The following TAFA1 variants were observed in gnomAD, a reference collection of about 807,000 sequenced individuals.
TAFA1 encodes the protein chemokine-like protein TAFA-1.
TAFA1 carries 4 observed loss-of-function variants against 18.5 expected under a neutral mutation model. The ratio of observed to expected loss-of-function variants is 0.22; its 90% CI spans 0.11 to 0.49. The LOEUF is 0.49. Ranked by LOEUF, TAFA1 falls within the 20% of genes least tolerant of loss-of-function variation. The pLI is 0.98. For synonymous variants in TAFA1, 56 were observed against 55.2 expected, an observed-to-expected ratio of 1.01 and a Z score of -0.06; for missense variants, 147 against 169.0, an observed-to-expected ratio of 0.87 and a Z score of 0.72.
At chr3:68,372,689 T>C (rs905209710) in intron 2 of TAFA1, among the ~76,000 whole-genome samples, 3 of 151,948 alleles carry the variant, frequency 2.0e-5, no homozygotes, top group Admixed American at 6.6e-5. Context: ...AAAAACACAA[T>C]TTGGGAAATA....
At chr3:68,129,375 T>C (rs902692795) in intron 2 of TAFA1, among the ~76,000 whole-genome samples, 2 of 152,228 alleles carry the variant, frequency 1.3e-5, no homozygotes, top group African/African-American at 2.4e-5. Flanking sequence ...AGAAGTACAC[T>C]TTTTGGTTAC....
chr3:68,494,132 C>T (rs745927315), intron 3 of TAFA1, among the ~76,000 whole-genome samples: 5 of 152,142 alleles, frequency 3.3e-5, no homozygotes, highest in Admixed American at 1.3e-4. Context: ...GACAGAGTCT[C>T]GCTCTGTCAC....
chr3:68,322,602 A>G (rs1339431472), intron 2 of TAFA1, among the ~76,000 whole-genome samples: 7 of 152,060 alleles, frequency 4.6e-5, no homozygotes, highest in Admixed American at 6.6e-5. Flanking sequence ...GAGGCCAAGG[A>G]GGGAGAATTG....
At chr3:68,476,439 T>C (rs751439533) in intron 3 of TAFA1, among the ~76,000 whole-genome samples, 3 of 152,130 alleles carry the variant, frequency 2.0e-5, no homozygotes, top group Middle Eastern at 3.2e-3. Flanking sequence ...AGAGATGACA[T>C]TGGGGATTTT....
intron 2 of TAFA1, among the ~76,000 whole-genome samples, chr3:68,396,046 A>C (rs1170360548): frequency 6.6e-6 from 1 of 151,988 alleles, no homozygotes; most frequent in Middle Eastern, 3.2e-3. Flanking sequence ...CATTCTTTAT[A>C]ATTTTTGCCA....
At chr3:68,464,108 C>T (rs985551097) in intron 3 of TAFA1, among the ~76,000 whole-genome samples, 1 of 152,060 alleles carries the variant, frequency 6.6e-6, no homozygotes, top group Non-Finnish European at 1.5e-5. Flanking sequence ...TTTAGCCAAG[C>T]AGGGAAGAAT....
chr3:68,131,193 G>A (rs1559531898), intron 2 of TAFA1, among the ~76,000 whole-genome samples: 1 of 152,118 alleles, frequency 6.6e-6, no homozygotes, highest in Non-Finnish European at 1.5e-5. Flanking sequence ...ACCATAGCTA[G>A]TAATGGCTAT....
intron 2 of TAFA1, among the ~76,000 whole-genome samples, chr3:68,356,398 G>A (rs114260864): frequency 0.01 from 1,588 of 151,838 alleles, 10 homozygotes; most frequent in Non-Finnish European, 0.016. Flanking sequence ...CAGCGTACAC[G>A]GATGCTTGGG....
chr3:68,183,840 A>T (rs1197779752), intron 2 of TAFA1, among the ~76,000 whole-genome samples: 1 of 152,146 alleles, frequency 6.6e-6, no homozygotes, highest in Non-Finnish European at 1.5e-5. Context: ...ACAAAACAGT[A>T]GTAACTGTAG....
At chr3:68,369,725 C>G (rs868758824) in intron 2 of TAFA1, among the ~76,000 whole-genome samples, 1 of 152,152 alleles carries the variant, frequency 6.6e-6, no homozygotes, top group South Asian at 2.1e-4. Context: ...TAAATTGATG[C>G]TGCCTCTTGT....
chr3:68,286,801 G>T (rs1406126857), intron 2 of TAFA1, among the ~76,000 whole-genome samples: 2 of 152,180 alleles, frequency 1.3e-5, no homozygotes, highest in African/African-American at 4.8e-5. Context: ...CTAACTAGAA[G>T]GGTAAGAGAG....
intron 2 of TAFA1, among the ~76,000 whole-genome samples, chr3:68,040,539 T>C (rs992286279): frequency 2.6e-5 from 4 of 151,736 alleles, no homozygotes; most frequent in Non-Finnish European, 5.9e-5. Flanking sequence ...TAATTTTTCC[T>C]GGTGCTCTGG....
At chr3:68,000,939 G>A (rs1331971846), upstream of TAFA1, among the ~76,000 whole-genome samples, 1 of 148,248 alleles carries the variant, frequency 6.7e-6, no homozygotes, top group East Asian at 1.9e-4. Context: ...TTGGAATTGA[G>A]TAGCTTTGGG....
At chr3:68,240,242 C>A (rs1233857180) in intron 2 of TAFA1, among the ~76,000 whole-genome samples, 1 of 152,124 alleles carries the variant, frequency 6.6e-6, no homozygotes, top group East Asian at 1.9e-4. Context: ...CTTAGGAGAC[C>A]AGTGAACAAG....
At chr3:68,312,783 G>A (rs973477876) in intron 2 of TAFA1, among the ~76,000 whole-genome samples, 1 of 152,116 alleles carries the variant, frequency 6.6e-6, no homozygotes, top group African/African-American at 2.4e-5. Flanking sequence ...CACATTTTCA[G>A]GTATCTTTTC....
chr3:68,527,812 A>G (rs1380208040), intron 3 of TAFA1, among the ~76,000 whole-genome samples: 2 of 151,932 alleles, frequency 1.3e-5, no homozygotes, highest in African/African-American at 4.8e-5. Flanking sequence ...ACCTTTAAAA[A>G]AAATCTACCG....
chr3:68,106,285 A>C (rs1439207586), intron 2 of TAFA1, among the ~76,000 whole-genome samples: 1 of 152,162 alleles, frequency 6.6e-6, no homozygotes, highest in Non-Finnish European at 1.5e-5. Flanking sequence ...CTTTTAGGAA[A>C]GTGCTATCCA....
At chr3:68,408,730 G>A (rs12489559) in intron 2 of TAFA1, among the ~76,000 whole-genome samples, 72,813 of 151,864 alleles carry the variant, frequency 0.48, 17,847 homozygotes, top group African/African-American at 0.56. Context: ...TAAACAAGAT[G>A]TGGTCCCCCT....
intron 2 of TAFA1, chr3:68,247,886 T>G (rs535783672): frequency 6.6e-6 from 1 of 152,020 alleles, no homozygotes; most frequent in East Asian, 1.9e-4. Context: ...TTCTCTTTAT[T>G]TGTATAGAAA....
Sources: allele counts gnomAD v4.1 joint callset (sites outside exome capture counted in the v4.1 genomes callset), GRCh38; gene constraint gnomAD v4.1.1; transcripts MANE v1.5; gene names NCBI Gene and HGNC (gene_info 2026-07-23, HGNC 2026-07-21).